Variants in PTPRT observed in about 807,000 individuals in gnomAD.
The protein encoded by PTPRT is protein tyrosine phosphatase receptor type T.
A neutral mutation model predicts 176.8 loss-of-function variants in PTPRT; 56 were observed. The observed-to-expected ratio is 0.32, with a 90% CI of 0.26 to 0.40. The LOEUF is 0.40. Among genes scored for constraint, PTPRT ranks in the 10% least tolerant of loss-of-function variants. The probability of loss-of-function intolerance (pLI) is 1.00; values close to 1 mark genes in which losing one functional copy is unlikely to be tolerated. For synonymous variants in PTPRT, 783 were observed against 739.0 expected (o/e 1.06, Z -0.96); for missense variants, 1,540 against 1,908.2 (o/e 0.81, Z 3.60).
intron 1 of PTPRT, among the ~76,000 whole-genome samples, chr20:42,994,312 G>A (rs1229555570): frequency 6.6e-6 from 1 of 152,158 alleles, no homozygotes; most frequent in Non-Finnish European, 1.5e-5. Flanking sequence ...TGAACTCAGA[G>A]ACCAAATGTC....
At chr20:42,674,093 A>C (rs2075457743) in intron 7 of PTPRT, among the ~76,000 whole-genome samples, 1 of 152,172 alleles carries the variant, frequency 6.6e-6, no homozygotes, top group African/African-American at 2.4e-5. Context: ...AAGGAGGAAA[A>C]TCTCAGACTA....
intron 2 of PTPRT, among the ~76,000 whole-genome samples, chr20:42,868,554 A>C (rs208180): frequency 0.3 from 46,212 of 152,092 alleles, 7,556 homozygotes; most frequent in African/African-American, 0.43. Context: ...TTTATAAGTA[A>C]AAGGGAAGCA....
intron 1 of PTPRT, among the ~76,000 whole-genome samples, chr20:42,926,997 C>G (rs1979527745): frequency 6.6e-6 from 1 of 152,182 alleles, no homozygotes; most frequent in African/African-American, 2.4e-5. Context: ...CACACTCATT[C>G]AAGATCTCAG....
At chr20:42,715,368 C>G (rs976812877) in intron 6 of PTPRT, among the ~76,000 whole-genome samples, 1 of 151,890 alleles carries the variant, frequency 6.6e-6, no homozygotes, top group Non-Finnish European at 1.5e-5. Context: ...CAGATGAGAA[C>G]TTTAAAATAG....
rs773519135 is a variant in PTPRT, at chr20:42,102,265, G to A, written c.3573C>T (p.Pro1191=). 17 of 1,614,018 alleles carry A rather than the reference G, an allele frequency of 1.1e-5. No homozygotes were observed. The highest frequency in any genetic ancestry group is 4.4e-5 in the South Asian group (4 of 91,076). Residue 1191 remains proline, a synonymous_variant, in exon 26 of 31, where the codon CCC becomes CCT. Coordinates refer to ENST00000373187, the MANE Select transcript of PTPRT (RefSeq NM_007050.6). ...GCAGGAGCCCAATGCTGCAGTCCTC[G>A]GGCCGCACACGGGGTGTCACAATGT... ...TLNIVTPRVR[P]EDCSIGLLPR...
intron 9 of PTPRT, among the ~76,000 whole-genome samples, chr20:42,435,474 C>T (rs112595006): frequency 2.6e-5 from 4 of 151,980 alleles, no homozygotes; most frequent in African/African-American, 4.8e-5. Flanking sequence ...AGGAACTCTG[C>T]GTGCAATAAG....
intron 1 of PTPRT, among the ~76,000 whole-genome samples, chr20:43,128,495 C>G (rs762422703): frequency 1.3e-5 from 2 of 152,180 alleles, no homozygotes; most frequent in Non-Finnish European, 2.9e-5. Flanking sequence ...TTGGCCTGCC[C>G]CAGCACAACC....
At chr20:42,854,095 G>A (rs767107727) in intron 2 of PTPRT, among the ~76,000 whole-genome samples, 11 of 152,094 alleles carry the variant, frequency 7.2e-5, no homozygotes, top group African/African-American at 2.2e-4. Context: ...ACAATACCTC[G>A]TCACAACATG....
At chr20:42,125,335 G>C (rs1367317853) in intron 19 of PTPRT, among the ~76,000 whole-genome samples, 3 of 152,300 alleles carry the variant, frequency 2.0e-5, no homozygotes, top group African/African-American at 7.2e-5. Context: ...GAATGATTAA[G>C]TAATTTACCC....
At chr20:43,053,032 A>G (rs1987106317) in intron 1 of PTPRT, among the ~76,000 whole-genome samples, 1 of 148,604 alleles carries the variant, frequency 6.7e-6, no homozygotes, top group African/African-American at 2.6e-5. Flanking sequence ...TGGCATATCC[A>G]TATGATGGAA....
rs1336479101 is a variant in PTPRT, at chr20:42,282,516, T to C, written c.2149A>G (p.Ile717Val). The stretch of plus-strand genomic sequence containing the variant: ...TTTGTAGCCAGACGAACACAGTTGA[T>C]TTTGGTCTCCTGTGAACAACAAAAA... Reference protein sequence around the residue: ...ALSKANGETKINCVRLATKGA... With the variant: ...ALSKANGETKVNCVRLATKGA... Residue 717 changes from isoleucine (I) to valine (V), a missense_variant, in exon 13 of 31, where the codon ATC (isoleucine) becomes GTC (valine). Around this residue, in one of 11 missense-constraint regions of PTPRT, gnomAD observed 255 missense variants for 250.1 expected, o/e 1.02. Coordinates refer to ENST00000373187, the MANE Select transcript of PTPRT (RefSeq NM_007050.6). The C allele has an allele frequency of 6.3e-5, 102 of 1,610,260 alleles. No homozygotes were observed. The highest frequency in any genetic ancestry group is 8.5e-5 in the Non-Finnish European group (100 of 1,177,812).
At chr20:42,492,143 T>C (rs1332730230) in intron 7 of PTPRT, among the ~76,000 whole-genome samples, 1 of 152,194 alleles carries the variant, frequency 6.6e-6, no homozygotes, top group Non-Finnish European at 1.5e-5. Flanking sequence ...AAATCTGCTA[T>C]GGACATTCAT....
rs117152798 is a variant in PTPRT at position 42,227,391 on chromosome 20, G to C, written c.2342+8838C>G. Among the ~76,000 whole-genome samples, 176 of 152,186 alleles carry C rather than the reference G, an allele frequency of 1.2e-3. 1 individual carries two copies. Among genetic ancestry groups the C allele is most frequent in the Non-Finnish European group, 2.3e-3 (159 of 68,000 alleles). ...GAGGCGGCTCCAAAGGGCAAGTTCTGAAGGGGGGCTGTTAGTGTCACAAAC... is the reference window on the plus strand; with the variant it reads ...GAGGCGGCTCCAAAGGGCAAGTTCTCAAGGGGGGCTGTTAGTGTCACAAAC... On this transcript the variant is annotated intron_variant, in intron 15 of 30. Transcript: ENST00000373187.
intron 1 of PTPRT, among the ~76,000 whole-genome samples, chr20:42,906,245 C>CCA (rs2079476333): frequency 6.6e-6 from 1 of 152,020 alleles, no homozygotes; most frequent in Non-Finnish European, 1.5e-5. Context: ...TGGCAGAAGA[C>CCA]CACACTGGCA....
intron 15 of PTPRT, among the ~76,000 whole-genome samples, chr20:42,217,225 T>C (rs1224226094): frequency 6.6e-6 from 1 of 151,874 alleles, no homozygotes; most frequent in East Asian, 1.9e-4. Flanking sequence ...ATACAAAAAT[T>C]AGCCCGGTGT....
intron 1 of PTPRT, among the ~76,000 whole-genome samples, chr20:43,171,673 G>A (rs560702937): frequency 6.6e-6 from 1 of 152,090 alleles, no homozygotes; most frequent in African/African-American, 2.4e-5. Context: ...CACCTGAAAG[G>A]GTTTAAAAAC....
intron 14 of PTPRT, among the ~76,000 whole-genome samples, chr20:42,239,516 G>A (rs558137934): frequency 4.8e-5 from 7 of 146,216 alleles, no homozygotes; most frequent in Non-Finnish European, 7.4e-5. Context: ...TCCACCTCCC[G>A]GGTCCACGCC....
At chr20:43,030,666 G>A (rs1050736948) in intron 1 of PTPRT, among the ~76,000 whole-genome samples, 2 of 152,196 alleles carry the variant, frequency 1.3e-5, no homozygotes, top group African/African-American at 4.8e-5. Context: ...AAGGAGGTTT[G>A]ACTTAGCCTT....
chr20:42,504,344 A>C (rs1016487929), intron 7 of PTPRT, among the ~76,000 whole-genome samples: 7 of 152,100 alleles, frequency 4.6e-5, no homozygotes, highest in African/African-American at 7.2e-5. Context: ...TTAAAAAAAA[A>C]CCATCTCACT....
Sources: allele counts gnomAD v4.1 joint callset (sites outside exome capture counted in the v4.1 genomes callset), GRCh38; gene constraint gnomAD v4.1.1; regional missense constraint gnomAD v4.1.1; transcripts MANE v1.5; gene names NCBI Gene and HGNC (gene_info 2026-07-23, HGNC 2026-07-21).